The following PMVK variants were observed in gnomAD, a reference collection of about 807,000 sequenced individuals.
The protein encoded by PMVK is testis tissue sperm-binding protein Li 95mP.
In PMVK, 10 loss-of-function variants were observed where a neutral mutation model predicts 19.0. That is an observed-to-expected ratio of 0.53 (90% CI 0.32 to 0.89). PMVK has a LOEUF of 0.89. PMVK is among the 40% of genes least tolerant of loss of function. The pLI, the probability that PMVK is intolerant of heterozygous loss-of-function variation, is 0.03. For synonymous variants in PMVK, 108 were observed against 101.6 expected, an observed-to-expected ratio of 1.06 and a Z score of -0.38; for missense variants, 222 against 251.1, an observed-to-expected ratio of 0.88 and a Z score of 0.78.
chr1:154,937,033 C>T (rs1172980473), upstream of PMVK: 6 of 215,226 alleles, frequency 2.8e-5, no homozygotes, highest in South Asian at 3.4e-4. Flanking sequence ...GGGGAGGAAC[C>T]GGACGCGACT....
At chr1:154,939,697 T>C (rs1654600919), upstream of PMVK, among the ~76,000 whole-genome samples, 3 of 107,740 alleles carry the variant, frequency 2.8e-5, no homozygotes, top group African/African-American at 4.0e-5. Context: ...AGAGCGAGAC[T>C]CCATCTCAAA....
chr1:154,939,103 C>T (rs1015500054), upstream of PMVK, among the ~76,000 whole-genome samples: 6 of 152,144 alleles, frequency 3.9e-5, no homozygotes, highest in African/African-American at 1.4e-4. Context: ...GGTGACATCA[C>T]GGTCATGGCC....
intron 1 of PMVK, among the ~76,000 whole-genome samples, chr1:154,933,999 G>A (rs1654425356): frequency 1.3e-5 from 2 of 151,960 alleles, no homozygotes; most frequent in African/African-American, 4.8e-5. Flanking sequence ...TAACGCACAG[G>A]AAGATAAGTG....
chr1:154,940,973 C>T (rs1447067771), upstream of PMVK, among the ~76,000 whole-genome samples: 1 of 152,226 alleles, frequency 6.6e-6, no homozygotes, highest in Non-Finnish European at 1.5e-5. Context: ...CTTACATTGA[C>T]TCATCTCACC....
At chr1:154,935,085 A>C (rs1372216146) in intron 1 of PMVK, among the ~76,000 whole-genome samples, 1 of 147,782 alleles carries the variant, frequency 6.8e-6, no homozygotes, top group African/African-American at 2.6e-5. Flanking sequence ...AAAAAAAAAA[A>C]ACATGAGGCA....
chr1:154,939,270 A>C (rs759012388), upstream of PMVK, among the ~76,000 whole-genome samples: 9 of 151,540 alleles, frequency 5.9e-5, no homozygotes, highest in Non-Finnish European at 8.8e-5. Flanking sequence ...CATCCACCCA[A>C]CCCTCCAAGG....
intron 3 of PMVK, among the ~76,000 whole-genome samples, chr1:154,928,774 AAAATAAAT>A (rs55948301): frequency 0.01 from 1,473 of 142,070 alleles, 9 homozygotes; most frequent in Non-Finnish European, 0.016. Flanking sequence ...CTCCATCTCA[AAAATAAAT>A]AAATAAATAA....
intron 3 of PMVK, 87 bp downstream of exon 3, chr1:154,928,937 G>T: frequency 7.5e-7 from 1 of 1,327,878 alleles, no homozygotes; most frequent in Non-Finnish European, 1.1e-6. Flanking sequence ...CTTGGGCCAG[G>T]ATGGTGGCAG....
At chr1:154,929,993 C>G (rs956983871) in intron 2 of PMVK, among the ~76,000 whole-genome samples, 2 of 152,180 alleles carry the variant, frequency 1.3e-5, no homozygotes, top group African/African-American at 4.8e-5. Context: ...CAGTTTCCCT[C>G]CAGGAGCGTT....
chr1:154,925,315 C>T, intron 4 of PMVK, 50 bp from the exon 5 acceptor site: 1 of 1,607,050 alleles, frequency 6.2e-7, no homozygotes, highest in South Asian at 1.1e-5. Flanking sequence ...AGACAGACAG[C>T]AGGCATCAAG....
intron 1 of PMVK, chr1:154,936,351 T>C: frequency 1.0e-6 from 1 of 977,850 alleles, no homozygotes; most frequent in Non-Finnish European, 1.2e-6. Flanking sequence ...TATTAATGCT[T>C]CTCAGAGAGA....
intron 1 of PMVK, chr1:154,936,360 G>C (rs2101974999): frequency 1.0e-6 from 1 of 981,038 alleles, no homozygotes; most frequent in East Asian, 1.1e-4. Context: ...TTCTCAGAGA[G>C]ACCTGCAGCT....
chr1:154,933,245 C>G (rs185805267), intron 1 of PMVK, among the ~76,000 whole-genome samples: 392 of 152,128 alleles, frequency 2.6e-3, no homozygotes, highest in Middle Eastern at 0.02. Context: ...ACCAGCCTGA[C>G]CAACACGGTG....
At chr1:154,928,751 G>A (rs190022053) in intron 3 of PMVK, among the ~76,000 whole-genome samples, 7 of 150,886 alleles carry the variant, frequency 4.6e-5, no homozygotes, top group East Asian at 1.9e-4. Flanking sequence ...CAGCCCAGGC[G>A]ACAAGTGTGA....
At chr1:154,929,888 A>G (rs79270706) in intron 2 of PMVK, among the ~76,000 whole-genome samples, 1,712 of 152,260 alleles carry the variant, frequency 0.011, 37 homozygotes, top group African/African-American at 0.039. Context: ...ACTCACTGCA[A>G]CAAGACCTTC....
In PMVK at chr1:154,925,224, CG is replaced by C. The variant is rs1441737689; in HGVS notation, c.483del (p.Phe161LeufsTer24). 6.2e-7 allele frequency: 1 copy of C among 1,614,000 alleles called. No homozygotes were observed. The highest frequency in any genetic ancestry group is 8.5e-7 in the Non-Finnish European group (1 of 1,179,986). ...TTCTCGATGACCCAGTCAAAGTCCC[CG>C]AAGTTGTCCAGGCCACATTCTGACT... ...DAESECGLDN[F>X]GDFDWVIENH... On this transcript the variant is annotated frameshift_variant, in exon 5 of 5. Transcript: ENST00000368467. LOFTEE classifies it high-confidence loss of function.
chr1:154,936,724 C>A, upstream of PMVK: 1 of 1,526,192 alleles, frequency 6.6e-7, no homozygotes, highest in South Asian at 1.2e-5. Context: ...GCTGACACTT[C>A]TCCCTACCCC....
chr1:154,936,178 C>T (rs2101974803), intron 1 of PMVK, among the ~76,000 whole-genome samples: 1 of 152,248 alleles, frequency 6.6e-6, no homozygotes, highest in East Asian at 1.9e-4. Context: ...GCCTCCCGGG[C>T]TCAAGCGATT....
intron 3 of PMVK, among the ~76,000 whole-genome samples, chr1:154,926,923 C>A (rs1040428447): frequency 6.6e-6 from 1 of 152,114 alleles, no homozygotes; most frequent in African/African-American, 2.4e-5. Flanking sequence ...AAACTCAACT[C>A]CTGATTTCCT....
Sources: allele counts gnomAD v4.1 joint callset (sites outside exome capture counted in the v4.1 genomes callset), GRCh38; gene constraint gnomAD v4.1.1; transcripts MANE v1.5; gene names NCBI Gene and HGNC (gene_info 2026-07-23, HGNC 2026-07-21).